NCKAP5: variants seen among roughly 807,000 people sequenced by gnomAD.
The protein encoded by NCKAP5 is NCK associated protein 5, also known as nck-associated protein 5.
A neutral mutation model predicts 167.0 loss-of-function variants in NCKAP5; 92 were observed. The ratio of observed to expected loss-of-function variants is 0.55; its 90% CI spans 0.47 to 0.66. The LOEUF (loss-of-function observed/expected upper bound fraction) is 0.66, where lower values mean the gene tolerates loss of function less well. Ranked by LOEUF, NCKAP5 falls within the 30% of genes least tolerant of loss-of-function variation. The probability of loss-of-function intolerance (pLI) is 0.00; values close to 1 mark genes in which losing one functional copy is unlikely to be tolerated. For missense variants in NCKAP5, 2,378 were observed against 2,315.0 expected (o/e 1.03, Z -0.56); for synonymous variants, 891 against 877.4 (o/e 1.02, Z -0.27).
At chr2:133,353,462 C>A (rs1201519115) in intron 3 of NCKAP5, among the ~76,000 whole-genome samples, 1 of 152,192 alleles carries the variant, frequency 6.6e-6, no homozygotes, top group East Asian at 1.9e-4. Flanking sequence ...AACCTGACTT[C>A]TCCTCAATTT....
intron 11 of NCKAP5, among the ~76,000 whole-genome samples, chr2:132,836,771 C>T (rs893720760): frequency 1.3e-5 from 2 of 152,134 alleles, no homozygotes; most frequent in Non-Finnish European, 2.9e-5. Context: ...TTTCCACCCC[C>T]TAGAGCCTTG....
chr2:132,963,018 G>GAA (rs55838032), intron 8 of NCKAP5, among the ~76,000 whole-genome samples: 4 of 150,304 alleles, frequency 2.7e-5, no homozygotes, highest in Non-Finnish European at 4.5e-5. Context: ...TGAACTCATA[G>GAA]AAAAAAAAAA....
In NCKAP5 at chr2:132,713,591, CCTT is replaced by C. The variant is rs577527787; in HGVS notation, c.5713+12033_5713+12035del. ...TGCCTAAAATATATTGATCCTGTGGCCTTGCCTTCTGAATAATCCTAATAAAAC... is the reference window on the plus strand; with the variant it reads ...TGCCTAAAATATATTGATCCTGTGGCGCCTTCTGAATAATCCTAATAAAAC... On this transcript the variant is annotated intron_variant, in intron 19 of 19. Coordinates refer to ENST00000409261, the MANE Select transcript of NCKAP5 (RefSeq NM_207363.3). Among the ~76,000 whole-genome samples the C allele has an allele frequency of 9.3e-3, 1,414 of 152,176 alleles. 26 individuals are homozygous for C. Among genetic ancestry groups the C allele is most frequent in the African/African-American group, 0.032 (1,348 of 41,506 alleles).
intron 7 of NCKAP5, among the ~76,000 whole-genome samples, chr2:132,974,005 A>G (rs2076907382): frequency 6.6e-6 from 1 of 152,192 alleles, no homozygotes; most frequent in Admixed American, 6.5e-5. Flanking sequence ...CTGGTGGTGG[A>G]CACAAAGCAT....
At chr2:133,671,046 T>C in the NCKAP5 span, among the ~76,000 whole-genome samples, 1 of 151,592 alleles carries the variant, frequency 6.6e-6, no homozygotes, top group Admixed American at 6.6e-5. Flanking sequence ...AAACCCCATC[T>C]CTACTAAAAA....
In NCKAP5 at chr2:132,783,645, T is replaced by C. The variant is rs764628309; in HGVS notation, c.3166A>G (p.Thr1056Ala). The C allele has an allele frequency of 8.4e-5, 136 of 1,613,628 alleles. No homozygotes were observed. The highest frequency in any genetic ancestry group is 1.0e-4 in the Non-Finnish European group (120 of 1,179,872). ...PKTSPRQTLG[T>A]PQRDIGLQTP... is the part of the protein sequence containing the mutation. Reference sequence around the variant, plus strand: ...TGTAATCCTATGTCCCTTTGTGGGGTCCCAAGTGTTTGGCGAGGAGAGGTT... The same window carrying C: ...TGTAATCCTATGTCCCTTTGTGGGGCCCCAAGTGTTTGGCGAGGAGAGGTT... Residue 1056 changes from threonine (T) to alanine (A), a missense_variant, in exon 14 of 20, where the codon ACC becomes GCC. Physicochemically the swap from Thr to Ala is moderately conservative, Grantham distance 58 (BLOSUM62 0). Around this residue, in one of 3 missense-constraint regions of NCKAP5, gnomAD observed 1,325 missense variants for 1,274.5 expected, o/e 1.04. Transcript: ENST00000409261.
At chr2:133,454,131 G>A (rs1353827756) in intron 3 of NCKAP5, among the ~76,000 whole-genome samples, 1 of 151,976 alleles carries the variant, frequency 6.6e-6, no homozygotes, top group African/African-American at 2.4e-5. Flanking sequence ...AAGAAATTAA[G>A]CTTATAAGCT....
At chr2:133,108,669 G>A (rs933350242) in intron 6 of NCKAP5, among the ~76,000 whole-genome samples, 2 of 152,104 alleles carry the variant, frequency 1.3e-5, no homozygotes, top group Admixed American at 6.5e-5. Flanking sequence ...GTGAAACTTC[G>A]TACCCTTTGA....
At chr2:132,892,657 C>A (rs1054817021) in intron 8 of NCKAP5, among the ~76,000 whole-genome samples, 1 of 152,134 alleles carries the variant, frequency 6.6e-6, no homozygotes, top group Non-Finnish European at 1.5e-5. Flanking sequence ...AAAAGAATAT[C>A]AATTAATATA....
the NCKAP5 span, among the ~76,000 whole-genome samples, chr2:133,638,914 C>T: frequency 6.9e-6 from 1 of 145,984 alleles, no homozygotes; most frequent in Admixed American, 6.8e-5. Context: ...ACAGCAGTAA[C>T]AATGTGGGAG....
At chr2:132,927,740 A>G (rs1370603) in intron 8 of NCKAP5, among the ~76,000 whole-genome samples, 36,858 of 151,978 alleles carry the variant, frequency 0.24, 10,086 homozygotes, top group African/African-American at 0.64. Flanking sequence ...AACTTTACTA[A>G]ATTTATTTAT....
At chr2:132,985,058 C>T (rs1330686796) in intron 7 of NCKAP5, among the ~76,000 whole-genome samples, 1 of 151,632 alleles carries the variant, frequency 6.6e-6, no homozygotes, top group Admixed American at 6.6e-5. Context: ...GGGGAAACAG[C>T]GGGTACATAC....
At chr2:133,218,783 T>A (rs1317770925) in intron 4 of NCKAP5, among the ~76,000 whole-genome samples, 1 of 152,196 alleles carries the variant, frequency 6.6e-6, no homozygotes, top group Non-Finnish European at 1.5e-5. Flanking sequence ...CCTAATACAG[T>A]GTAAATGTTA....
intron 4 of NCKAP5, among the ~76,000 whole-genome samples, chr2:133,283,972 T>G (rs1225107653): frequency 6.6e-6 from 1 of 152,148 alleles, no homozygotes; most frequent in African/African-American, 2.4e-5. Context: ...GATCAAATGA[T>G]TTCCTCATAA....
Position 132,993,597 on chromosome 2 carries a change from T to C in NCKAP5, c.429+555A>G, listed in dbSNP as rs114174299. Among the ~76,000 whole-genome samples the C allele has an allele frequency of 3.7e-3, 566 of 152,294 alleles. 2 individuals are homozygous for C. Among genetic ancestry groups the C allele is most frequent in the South Asian group, 5.6e-3 (27 of 4,822 alleles). On this transcript the variant is annotated intron_variant, in intron 7 of 19. Transcript: ENST00000409261. ...ATCCAGCTCTTCCCTGTACTCTCAG[T>C]CTCACTGTAACTTTTTATTTCCAGG... is the stretch of plus-strand genomic sequence containing the variant.
At chr2:133,216,053 C>T (rs10167216) in intron 4 of NCKAP5, among the ~76,000 whole-genome samples, 3,256 of 151,994 alleles carry the variant, frequency 0.021, 129 homozygotes, top group African/African-American at 0.075. Flanking sequence ...ATTTGCAAGA[C>T]GGCCACACTA....
At chr2:133,579,347 AG>A in the NCKAP5 span, among the ~76,000 whole-genome samples, 1 of 152,232 alleles carries the variant, frequency 6.6e-6, no homozygotes, top group African/African-American at 2.4e-5. Flanking sequence ...ATGAAACTAA[AG>A]AAGGAGGTTT....
intron 7 of NCKAP5, among the ~76,000 whole-genome samples, chr2:132,987,938 G>A (rs2077335710): frequency 6.6e-6 from 1 of 152,172 alleles, no homozygotes; most frequent in Admixed American, 6.5e-5. Flanking sequence ...CTCTTTCAAA[G>A]CGTTTTATGA....
At chr2:132,702,956 A>G (rs936134018) in intron 19 of NCKAP5, among the ~76,000 whole-genome samples, 17 of 152,150 alleles carry the variant, frequency 1.1e-4, no homozygotes, top group African/African-American at 4.1e-4. Context: ...ATGCAGAAGG[A>G]TCTCTTGAGG....
Sources: allele counts gnomAD v4.1 joint callset (sites outside exome capture counted in the v4.1 genomes callset), GRCh38; gene constraint gnomAD v4.1.1; regional missense constraint gnomAD v4.1.1; transcripts MANE v1.5; gene names NCBI Gene and HGNC (gene_info 2026-07-23, HGNC 2026-07-21).